HIPK2: variants seen among roughly 807,000 people sequenced by gnomAD.
HIPK2 encodes the protein homeodomain interacting protein kinase 2, also known as homeodomain-interacting protein kinase 2.
In HIPK2, 27 loss-of-function variants were observed where a neutral mutation model predicts 113.7. That is an observed-to-expected ratio of 0.24 (90% CI 0.17 to 0.33). The LOEUF is 0.33. HIPK2 is among the 10% of genes least tolerant of loss of function. The probability of loss-of-function intolerance (pLI) is 1.00; values close to 1 mark genes in which losing one functional copy is unlikely to be tolerated. For synonymous variants in HIPK2, 631 were observed against 642.2 expected (o/e 0.98, Z 0.26); for missense variants, 1,257 against 1,588.0 (o/e 0.79, Z 3.54).
chr7:139,701,773 T>C (rs1794716095), intron 2 of HIPK2, among the ~76,000 whole-genome samples: 3 of 152,244 alleles, frequency 2.0e-5, no homozygotes, highest in Non-Finnish European at 4.4e-5. Flanking sequence ...CTTTTGGTTA[T>C]GGCAAAGGTA....
rs1160810885 is a variant in HIPK2, at chr7:139,700,870, T to C, written c.1103+15062A>G. On this transcript the variant is annotated intron_variant, in intron 2 of 14. Coordinates refer to ENST00000406875, the MANE Select transcript of HIPK2 (RefSeq NM_022740.5). ...TCCTTCTGCAGAGCCATGCACATAG[T>C]AGGTATTCAAAATCACTTGCAGAAT... Among the ~76,000 whole-genome samples the C allele has an allele frequency of 2.6e-5, 4 of 152,282 alleles. No individual in the cohort carries two copies. The East Asian group carries it at 5.8e-4, about 22-fold the overall frequency.
chr7:139,718,634 G>A (rs140121651), intron 1 of HIPK2, among the ~76,000 whole-genome samples: 2 of 152,124 alleles, frequency 1.3e-5, no homozygotes, highest in Non-Finnish European at 2.9e-5. Flanking sequence ...TCTTGAACCT[G>A]CTTCCACCAC....
At chr7:139,688,734 TA>T (rs1232415651) in intron 2 of HIPK2, among the ~76,000 whole-genome samples, 3 of 152,062 alleles carry the variant, frequency 2.0e-5, no homozygotes, top group Non-Finnish European at 2.9e-5. Flanking sequence ...AGTTCCCATG[TA>T]AAATCACTTT....
At position 139,777,945 on chromosome 7, in the gene HIPK2, G is replaced by C. The variant is rs1489633302; in HGVS notation, c.-322C>G. ...GCGGCCCCCGAGCGGATCCGCGGAG[G>C]GGCGGGAGCCGGGGGCAGCGCGCGG... On this transcript the variant is annotated 5_prime_UTR_variant, in exon 1 of 15. Coordinates refer to ENST00000406875, the MANE Select transcript of HIPK2 (RefSeq NM_022740.5). 6.9e-6 allele frequency among the ~76,000 whole-genome samples: 1 copy of C among 145,384 alleles called. No individual in the cohort carries two copies. The highest frequency in any genetic ancestry group is 1.5e-5 in the Non-Finnish European group (1 of 65,322).
rs114140315 is a variant in HIPK2 at position 139,581,870 on chromosome 7, C to T, written c.2965+1947G>A. The stretch of plus-strand genomic sequence containing the variant: ...ATGGTATGAGTTCAGTCTGCAGCTT[C>T]GAGGTTTGCACAAACATATATTTAA... On this transcript the variant is annotated intron_variant, in intron 13 of 14. Coordinates refer to ENST00000406875, the MANE Select transcript of HIPK2 (RefSeq NM_022740.5). Among the ~76,000 whole-genome samples the T allele has an allele frequency of 4.7e-3, 719 of 152,290 alleles. 6 individuals carry two copies. Among genetic ancestry groups the T allele is most frequent in the African/African-American group, 0.017 (707 of 41,538 alleles).
intron 12 of HIPK2, 88 bp from the exon 13 acceptor site, chr7:139,584,152 G>T: frequency 6.7e-7 from 1 of 1,500,824 alleles, no homozygotes; most frequent in Non-Finnish European, 8.9e-7. Context: ...GGCAGGGGAG[G>T]GAGGCAGAGG....
intron 1 of HIPK2, among the ~76,000 whole-genome samples, chr7:139,729,383 G>T (rs1252769682): frequency 8.0e-6 from 1 of 124,790 alleles, no homozygotes; most frequent in Non-Finnish European, 1.7e-5. Context: ...GAGAGAGAGA[G>T]AATTGGGAGT....
At chr7:139,697,534 G>C (rs1794599082) in intron 2 of HIPK2, among the ~76,000 whole-genome samples, 1 of 151,484 alleles carries the variant, frequency 6.6e-6, no homozygotes, top group African/African-American at 2.4e-5. Flanking sequence ...CTGAATCTCA[G>C]TTCCTGGTAA....
In HIPK2 at chr7:139,600,336, G is replaced by T. The variant is rs1423329412; in HGVS notation, c.2435+81C>A. On this transcript the variant is annotated intron_variant, in intron 11 of 14. Coordinates refer to ENST00000406875, the MANE Select transcript of HIPK2 (RefSeq NM_022740.5). ...CAACTGTCCCATGTTCAGAGTGGGT[G>T]CTGATACTCCCTAAACTACATTTCT... The T allele has an allele frequency of 2.0e-6, 3 of 1,472,550 alleles. No homozygotes were observed. The Admixed American group carries it at 6.1e-5, about 30-fold the overall frequency. The allele number at this position is 1,472,550 out of a possible 1,614,324, so 91.2% of individuals were successfully genotyped here.
intron 1 of HIPK2, among the ~76,000 whole-genome samples, chr7:139,760,706 A>G (rs1394555720): frequency 1.3e-5 from 2 of 152,228 alleles, no homozygotes; most frequent in Admixed American, 1.3e-4. Context: ...GGATTTTAAA[A>G]CTAAACTGGA....
At position 139,584,051 on chromosome 7, in the gene HIPK2, G is replaced by C; in HGVS notation, c.2731C>G (p.Gln911Glu). 1 of 1,590,184 alleles carries C rather than the reference G, an allele frequency of 6.3e-7. No homozygotes were observed. Among genetic ancestry groups the C allele is most frequent in the Non-Finnish European group, 8.6e-7 (1 of 1,166,106 alleles). Residue 911 changes from glutamine to glutamate, a missense_variant, in exon 13 of 15, where the codon CAA becomes GAA. Gln to Glu is a conservative substitution (Grantham distance 29). Coordinates refer to ENST00000406875, the MANE Select transcript of HIPK2 (RefSeq NM_022740.5). ...KHAPTSTVSK[Q>E]RKNVISCVTV... is the part of the protein sequence containing the mutation. ...ACACAGCTGATGACGTTTTTTCTTT[G>C]CTTGGAGACAGTGCTGAAAATGCAA...
intron 1 of HIPK2, among the ~76,000 whole-genome samples, chr7:139,731,867 A>G (rs1795793621): frequency 6.6e-6 from 1 of 152,166 alleles, no homozygotes; most frequent in Admixed American, 6.5e-5. Context: ...GAATTGTTTC[A>G]TTCCCCTCAG....
Position 139,714,549 on chromosome 7 carries a change from T to C in HIPK2, c.1103+1383A>G, listed in dbSNP as rs1289383701. ...CCCCAGGAATGGGTGACAGGTCAGC[T>C]GTGTCGACAAGGCCCTGGGGCATGT... On this transcript the variant is annotated intron_variant, in intron 2 of 14. Transcript: ENST00000406875. The surrounding 1 kb of genome is among the most constrained non-coding windows in gnomAD (Gnocchi z 4.2). Among the ~76,000 whole-genome samples the C allele has an allele frequency of 6.6e-6, 1 of 152,076 alleles. No homozygotes were observed. The highest frequency in any genetic ancestry group is 2.4e-5 in the African/African-American group (1 of 41,420).
At chr7:139,688,014 T>G (rs1794279344) in intron 2 of HIPK2, among the ~76,000 whole-genome samples, 1 of 152,170 alleles carries the variant, frequency 6.6e-6, no homozygotes, top group East Asian at 1.9e-4. Flanking sequence ...AGCTCACCCT[T>G]GTTCTCAAGC....
chr7:139,634,630 A>G (rs1800741350), intron 2 of HIPK2, among the ~76,000 whole-genome samples: 1 of 151,196 alleles, frequency 6.6e-6, no homozygotes, highest in Admixed American at 6.6e-5. Flanking sequence ...AGTTTATTTA[A>G]AACATCACAT....
chr7:139,771,824 C>T (rs1796657830), intron 1 of HIPK2, among the ~76,000 whole-genome samples: 1 of 152,050 alleles, frequency 6.6e-6, no homozygotes, highest in South Asian at 2.1e-4. Context: ...GAGGAAAAAG[C>T]TAAAGAGACC....
intron 2 of HIPK2, among the ~76,000 whole-genome samples, chr7:139,662,515 C>G (rs1367292220): frequency 6.6e-6 from 1 of 152,040 alleles, no homozygotes; most frequent in Non-Finnish European, 1.5e-5. Context: ...CAATCACATT[C>G]AGGTTGAGTT....
intron 1 of HIPK2, among the ~76,000 whole-genome samples, chr7:139,731,215 C>A (rs1280637132): frequency 1.3e-5 from 2 of 152,186 alleles, no homozygotes; most frequent in Non-Finnish European, 2.9e-5. Context: ...TGACGCTGGC[C>A]AAATGGCAGG....
chr7:139,763,400 G>A (rs1796499789), intron 1 of HIPK2, among the ~76,000 whole-genome samples: 2 of 151,826 alleles, frequency 1.3e-5, no homozygotes, highest in South Asian at 4.2e-4. Context: ...TAGCTACAGG[G>A]ATCCAAACTA....
Sources: allele counts gnomAD v4.1 joint callset (sites outside exome capture counted in the v4.1 genomes callset), GRCh38; gene constraint gnomAD v4.1.1; non-coding constraint Gnocchi (gnomAD v3.1); transcripts MANE v1.5; gene names NCBI Gene and HGNC (gene_info 2026-07-23, HGNC 2026-07-21).